The following SCHIP1 variants were observed in gnomAD, a reference collection of about 807,000 sequenced individuals.
The protein encoded by SCHIP1 is schwannomin-interacting protein 1.
In SCHIP1, 8 loss-of-function variants were observed where a neutral mutation model predicts 29.7. The ratio of observed to expected loss-of-function variants is 0.27; its 90% CI spans 0.16 to 0.49. The LOEUF (loss-of-function observed/expected upper bound fraction) is 0.49, where lower values mean the gene tolerates loss of function less well. Among genes scored for constraint, SCHIP1 ranks in the 20% least tolerant of loss-of-function variants. The pLI, the probability that SCHIP1 is intolerant of heterozygous loss-of-function variation, is 0.99. For synonymous variants in SCHIP1, 76 were observed against 94.9 expected, an observed-to-expected ratio of 0.80 and a Z score of 1.16; for missense variants, 193 against 294.6, an observed-to-expected ratio of 0.66 and a Z score of 2.52.
the SCHIP1 span, among the ~76,000 whole-genome samples, chr3:159,541,303 C>T: frequency 2.0e-5 from 3 of 151,940 alleles, no homozygotes; most frequent in Non-Finnish European, 4.4e-5. Flanking sequence ...TAAAATGATA[C>T]AAAGAAAGTT....
chr3:159,518,906 C>T, the SCHIP1 span, among the ~76,000 whole-genome samples: 1 of 151,936 alleles, frequency 6.6e-6, no homozygotes, highest in South Asian at 2.1e-4. Context: ...TAGATTTTTC[C>T]TAGAGACCCA....
the SCHIP1 span, among the ~76,000 whole-genome samples, chr3:159,634,440 C>T: frequency 6.6e-6 from 1 of 152,146 alleles, no homozygotes; most frequent in African/African-American, 2.4e-5. Context: ...TTTTTCCAGC[C>T]AGAATAAACA....
At chr3:159,433,911 C>A in the SCHIP1 span, among the ~76,000 whole-genome samples, 1 of 152,166 alleles carries the variant, frequency 6.6e-6, no homozygotes, top group African/African-American at 2.4e-5. Flanking sequence ...GTCCCCATTA[C>A]AGCATTAGCT....
At chr3:159,561,313 T>C in the SCHIP1 span, among the ~76,000 whole-genome samples, 1 of 152,248 alleles carries the variant, frequency 6.6e-6, no homozygotes, top group Non-Finnish European at 1.5e-5. Context: ...ATGAAAAATT[T>C]ACTTTTCCCC....
At chr3:159,587,598 T>A in the SCHIP1 span, among the ~76,000 whole-genome samples, 2 of 152,164 alleles carry the variant, frequency 1.3e-5, no homozygotes, top group African/African-American at 4.8e-5. Flanking sequence ...TAGGTATATC[T>A]CCTAATGCTA....
chr3:159,378,296 C>T, the SCHIP1 span, among the ~76,000 whole-genome samples: 1 of 152,156 alleles, frequency 6.6e-6, no homozygotes. Flanking sequence ...ATCAGACAAT[C>T]AGTTCCAGTC....
chr3:159,506,429 T>G, the SCHIP1 span, among the ~76,000 whole-genome samples: 1 of 152,236 alleles, frequency 6.6e-6, no homozygotes, highest in South Asian at 2.1e-4. Flanking sequence ...CTGTTCACTC[T>G]GATGGTAGTT....
the SCHIP1 span, among the ~76,000 whole-genome samples, chr3:159,739,847 T>C: frequency 1.3e-5 from 2 of 152,240 alleles, no homozygotes; most frequent in South Asian, 4.1e-4. Context: ...AACCGGTGCC[T>C]AATTACATGA....
intron 1 of SCHIP1, among the ~76,000 whole-genome samples, chr3:159,843,028 T>TTTTTTTTTTTTTA (rs1744416018): frequency 8.8e-6 from 1 of 114,050 alleles, no homozygotes; most frequent in Admixed American, 9.5e-5. Context: ...TTTTTTTTTT[T>TTTTTTTTTTTTTA]TGAGATGGAG....
chr3:159,292,189 GAAGAGAAAGAAA>G, the SCHIP1 span, among the ~76,000 whole-genome samples: 1 of 152,002 alleles, frequency 6.6e-6, no homozygotes, highest in African/African-American at 2.4e-5. Context: ...TGAGAAGGAA[GAAGAGAAAGAAA>G]AAGAGACAGG....
the SCHIP1 span, among the ~76,000 whole-genome samples, chr3:159,277,498 A>T: frequency 9.9e-5 from 15 of 152,082 alleles, no homozygotes; most frequent in Non-Finnish European, 1.8e-4. Flanking sequence ...AAGACCTGTG[A>T]ATGGAATAAT....
At chr3:159,336,103 A>G in the SCHIP1 span, among the ~76,000 whole-genome samples, 2 of 152,220 alleles carry the variant, frequency 1.3e-5, no homozygotes, top group African/African-American at 2.4e-5. Flanking sequence ...AGTGATGATG[A>G]GCATTTTTTC....
the SCHIP1 span, among the ~76,000 whole-genome samples, chr3:159,295,629 C>T: frequency 1.3e-5 from 2 of 152,252 alleles, no homozygotes; most frequent in Non-Finnish European, 2.9e-5. Context: ...CAAGCATGGC[C>T]TGCTTCCAGG....
the SCHIP1 span, among the ~76,000 whole-genome samples, chr3:159,384,577 G>T: frequency 6.6e-6 from 1 of 150,858 alleles, no homozygotes; most frequent in Non-Finnish European, 1.5e-5. Flanking sequence ...TCTCTTTTTT[G>T]GTTGTGTCTC....
chr3:159,794,908 G>A, the SCHIP1 span, among the ~76,000 whole-genome samples: 3 of 152,150 alleles, frequency 2.0e-5, no homozygotes, highest in South Asian at 2.1e-4. Context: ...GGGTGGAGGC[G>A]GGGTGATGTC....
chr3:159,285,972 C>T, the SCHIP1 span, among the ~76,000 whole-genome samples: 14 of 152,136 alleles, frequency 9.2e-5, no homozygotes, highest in African/African-American at 3.1e-4. Context: ...ACTTATCTTT[C>T]AAGAACTATT....
chr3:159,625,424 C>T, the SCHIP1 span, among the ~76,000 whole-genome samples: 3 of 152,042 alleles, frequency 2.0e-5, no homozygotes, highest in Admixed American at 6.6e-5. Context: ...GGGACCAGTT[C>T]GAATAGCATT....
At chr3:159,729,725 T>C in the SCHIP1 span, among the ~76,000 whole-genome samples, 3 of 152,228 alleles carry the variant, frequency 2.0e-5, no homozygotes, top group Non-Finnish European at 4.4e-5. Context: ...AGAAGTCAAC[T>C]TTCCCTAAAT....
chr3:159,338,978 G>T, the SCHIP1 span, among the ~76,000 whole-genome samples: 2 of 152,042 alleles, frequency 1.3e-5, no homozygotes, highest in African/African-American at 4.8e-5. Flanking sequence ...AACCTAAAAT[G>T]TGGTGCCTCA....
Sources: allele counts gnomAD v4.1 joint callset (sites outside exome capture counted in the v4.1 genomes callset), GRCh38; gene constraint gnomAD v4.1.1; transcripts MANE v1.5; gene names NCBI Gene and HGNC (gene_info 2026-07-23, HGNC 2026-07-21).